ABR: variants seen among roughly 807,000 people sequenced by gnomAD.
The protein encoded by ABR is active breakpoint cluster region-related protein.
A neutral mutation model predicts 107.2 loss-of-function variants in ABR; 35 were observed. The ratio of observed to expected loss-of-function variants is 0.33; its 90% CI spans 0.25 to 0.43. The LOEUF is 0.43. Ranked by LOEUF, ABR falls within the 20% of genes least tolerant of loss-of-function variation. The probability of loss-of-function intolerance (pLI) is 1.00; values close to 1 mark genes in which losing one functional copy is unlikely to be tolerated. For synonymous variants in ABR, 498 were observed against 462.0 expected, an observed-to-expected ratio of 1.08 and a Z score of -1.00; for missense variants, 815 against 1,115.2, an observed-to-expected ratio of 0.73 and a Z score of 3.83.
chr17:1,023,282 A>G (rs1182677227), intron 16 of ABR, among the ~76,000 whole-genome samples: 1 of 152,238 alleles, frequency 6.6e-6, no homozygotes, highest in South Asian at 2.1e-4. Context: ...GAGGAGAAGC[A>G]GACAAAATCC....
intron 16 of ABR, chr17:1,039,474 A>T (rs1162823255): frequency 6.6e-6 from 1 of 152,260 alleles, no homozygotes; most frequent in Non-Finnish European, 1.5e-5. Context: ...CCCTCCCCCG[A>T]CTTCCCCCAC....
intron 14 of ABR, among the ~76,000 whole-genome samples, chr17:1,053,815 G>C: frequency 8.1e-6 from 1 of 124,180 alleles, no homozygotes; most frequent in South Asian, 3.3e-4. Flanking sequence ...AGGAGAGGGA[G>C]GGGCGGCATC....
chr17:1,217,594 G>A (rs946613004), intron 1 of ABR, among the ~76,000 whole-genome samples: 9 of 152,198 alleles, frequency 5.9e-5, no homozygotes, highest in African/African-American at 2.2e-4. Context: ...ACACTGAGGT[G>A]CAAAAAGGTT....
chr17:1,076,352 G>A (rs1490824114), intron 6 of ABR, among the ~76,000 whole-genome samples: 2 of 152,272 alleles, frequency 1.3e-5, no homozygotes, highest in East Asian at 3.9e-4. Context: ...CCAGGTCCTA[G>A]CTCAGGTGGG....
At chr17:1,173,513 T>A (rs1177267365) in intron 1 of ABR, among the ~76,000 whole-genome samples, 1 of 151,518 alleles carries the variant, frequency 6.6e-6, no homozygotes, top group Non-Finnish European at 1.5e-5. Context: ...ACGCTGGCAG[T>A]GAAGTCCTCC....
At chr17:1,060,719 A>G (rs560296544) in intron 10 of ABR, among the ~76,000 whole-genome samples, 2 of 151,936 alleles carry the variant, frequency 1.3e-5, no homozygotes, top group East Asian at 2.0e-4. Context: ...AAGGCTGAGC[A>G]CGGTGGCTCA....
intron 1 of ABR, among the ~76,000 whole-genome samples, chr17:1,204,032 G>A (rs1479958152): frequency 6.6e-6 from 1 of 152,240 alleles, no homozygotes; most frequent in African/African-American, 2.4e-5. Context: ...CCCGGCCCAC[G>A]GGCCAGCCCA....
rs2042475375 is a variant in ABR at position 1,193,271 on chromosome 17, CCT to C, written c.838+35520_838+35521del. Among the ~76,000 whole-genome samples the C allele has an allele frequency of 6.7e-5, 10 of 148,910 alleles. 1 individual carries two copies. Among genetic ancestry groups the C allele is most frequent in the Non-Finnish European group, 7.5e-5 (5 of 66,280 alleles). On this transcript the variant is annotated intron_variant, in intron 1 of 22. Transcript: ENST00000574139. ...ATAGAGAAGCCTTTCTGGGACACCC[CCT>C]CCCCCTCAATACCCACAAGGATTCA...
In ABR at chr17:1,226,524, T is replaced by G. The variant is rs559852051; in HGVS notation, c.838+2269A>C. ...GTGTGCATGTGTGTGCATGCATGTA[T>G]GTGACAGTGTGCCATGTACATACGT... On this transcript the variant is annotated intron_variant, in intron 1 of 22. Coordinates refer to the ABR transcript ENST00000574139. Among the ~76,000 whole-genome samples, 286 of 151,640 alleles carry G rather than the reference T, an allele frequency of 1.9e-3. 1 individual carries two copies. The highest frequency in any genetic ancestry group is 6.6e-3 in the African/African-American group (271 of 41,332).
upstream of ABR, among the ~76,000 whole-genome samples, chr17:1,180,139 G>T (rs1206868519): frequency 6.6e-6 from 1 of 151,856 alleles, no homozygotes; most frequent in Non-Finnish European, 1.5e-5. Flanking sequence ...GGGGCAGCGG[G>T]GCTCCGGCGC....
rs546582729 is a variant in ABR at position 1,178,233 on chromosome 17, A to AC, written c.61+1433dup. On this transcript the variant is annotated intron_variant, in intron 1 of 22. Transcript: ENST00000302538. ...GGCATCACCCTTCTCTACTCCCCCC[A>AC]CCCCCCCCATATGACTTATCAAGGA... Among the ~76,000 whole-genome samples, 218 of 141,542 alleles carry AC rather than the reference A, an allele frequency of 1.5e-3. 1 individual carries two copies. The highest frequency in any genetic ancestry group is 5.9e-3 in the East Asian group (27 of 4,610). 92.9% of individuals were successfully genotyped at this position (141,542 alleles called of 152,430 possible).
Position 1,012,066 on chromosome 17 carries a change from C to A in ABR, c.1962-81G>T, listed in dbSNP as rs758764555. On this transcript the variant is annotated intron_variant, in intron 18 of 22. Coordinates refer to ENST00000302538, the MANE Select transcript of ABR (RefSeq NM_021962.5). ...GCAACCCCCACCCAGCACACACACA[C>A]CCTGGAGAGCTTCTAGCATTTGGGA... 18 of 1,594,938 alleles carry A rather than the reference C, an allele frequency of 1.1e-5. No individual in the cohort carries two copies. In the South Asian group the frequency reaches 1.9e-4, roughly 17 times the overall value.
chr17:1,196,445 A>T (rs1390615333), intron 1 of ABR, among the ~76,000 whole-genome samples: 2 of 152,138 alleles, frequency 1.3e-5, no homozygotes, highest in Admixed American at 1.3e-4. Flanking sequence ...AAACAAATTA[A>T]TTAATTAAAT....
In ABR at chr17:1,219,506, T is replaced by G. The variant is rs1456427424; in HGVS notation, c.838+9287A>C. Among the ~76,000 whole-genome samples the G allele has an allele frequency of 1.3e-3, 198 of 149,840 alleles. 3 individuals are homozygous for G. Among genetic ancestry groups the G allele is most frequent in the Non-Finnish European group, 1.8e-4 (12 of 67,580 alleles). Reference sequence around the variant, plus strand: ...TGATGTGCATCTGGATTTATTTCATTTTTGCGGTCCTTATTTTTTCTTGCC... The same window carrying G: ...TGATGTGCATCTGGATTTATTTCATGTTTGCGGTCCTTATTTTTTCTTGCC... On this transcript the variant is annotated intron_variant, in intron 1 of 22. Coordinates refer to the ABR transcript ENST00000574139.
intron 1 of ABR, among the ~76,000 whole-genome samples, chr17:1,185,836 C>CT (rs887086349): frequency 2.6e-5 from 4 of 151,406 alleles, no homozygotes; most frequent in Admixed American, 6.6e-5. Context: ...ATTTACTATT[C>CT]TTTTTTTTCT....
At chr17:1,204,780 A>G (rs1034810802) in intron 1 of ABR, among the ~76,000 whole-genome samples, 35 of 152,100 alleles carry the variant, frequency 2.3e-4, no homozygotes, top group African/African-American at 8.4e-4. Flanking sequence ...GGTTTGTGTG[A>G]AATATACAGC....
At chr17:1,087,917 G>C (rs998946195) in intron 4 of ABR, among the ~76,000 whole-genome samples, 1 of 152,212 alleles carries the variant, frequency 6.6e-6, no homozygotes, top group Non-Finnish European at 1.5e-5. Flanking sequence ...GGCTTGGCAG[G>C]TTCATTAACT....
At chr17:1,194,053 G>T (rs2042497359) in intron 1 of ABR, among the ~76,000 whole-genome samples, 1 of 152,142 alleles carries the variant, frequency 6.6e-6, no homozygotes, top group Non-Finnish European at 1.5e-5. Context: ...ACACAAAGAT[G>T]AATTTCCATC....
intron 10 of ABR, among the ~76,000 whole-genome samples, chr17:1,066,599 G>C (rs945717454): frequency 2.6e-5 from 4 of 151,604 alleles, no homozygotes; most frequent in Admixed American, 2.6e-4. Flanking sequence ...CATGTTCTTG[G>C]CTCACTGCAA....
Sources: gnomAD v4.1 joint callset for allele counts (sites outside exome capture counted in the v4.1 genomes callset) on GRCh38, gnomAD v4.1.1 for gene constraint, MANE v1.5 for transcripts, NCBI Gene and HGNC (gene_info 2026-07-23, HGNC 2026-07-21) for gene names.